Variants in DLGAP1 observed in about 807,000 individuals in gnomAD.
DLGAP1 encodes the protein disks large-associated protein 1.
A neutral mutation model predicts 90.8 loss-of-function variants in DLGAP1; 11 were observed. That is an observed-to-expected ratio of 0.12 (90% CI 0.08 to 0.20). The LOEUF (loss-of-function observed/expected upper bound fraction) is 0.20, where lower values mean the gene tolerates loss of function less well. Ranked by LOEUF, DLGAP1 falls within the 10% of genes least tolerant of loss-of-function variation. DLGAP1 has a pLI of 1.00. For synonymous variants in DLGAP1, 558 were observed against 540.7 expected (o/e 1.03, Z -0.44); for missense variants, 1,050 against 1,333.8 (o/e 0.79, Z 3.31).
chr18:3,583,612 C>T (rs994813886), intron 7 of DLGAP1, among the ~76,000 whole-genome samples: 3 of 152,194 alleles, frequency 2.0e-5, no homozygotes, highest in South Asian at 2.1e-4. Flanking sequence ...GTATGAGTCA[C>T]TCCCTAAAGT....
At chr18:4,274,071 GC>G in intron 1 of DLGAP1, among the ~76,000 whole-genome samples, 1 of 143,592 alleles carries the variant, frequency 7.0e-6, no homozygotes, top group Admixed American at 6.9e-5. Context: ...GGTTTAGTTT[GC>G]TTTTTTTTTT....
At chr18:3,862,962 C>A (rs2148750587) in intron 4 of DLGAP1, among the ~76,000 whole-genome samples, 1 of 152,370 alleles carries the variant, frequency 6.6e-6, no homozygotes, top group African/African-American at 2.4e-5. Flanking sequence ...ACTGGGACAT[C>A]ACCACAGGGT....
At chr18:4,397,312 A>G (rs2082461407) in intron 1 of DLGAP1, among the ~76,000 whole-genome samples, 1 of 152,198 alleles carries the variant, frequency 6.6e-6, no homozygotes, top group South Asian at 2.1e-4. Flanking sequence ...CAGAAAGCTG[A>G]TTTTGGTTAC....
intron 9 of DLGAP1, among the ~76,000 whole-genome samples, chr18:3,536,361 G>T (rs9948585): frequency 0.34 from 50,960 of 151,350 alleles, 8,714 homozygotes; most frequent in East Asian, 0.45. Context: ...ATAGCTGGGA[G>T]TACAGGCATG....
At chr18:4,448,463 T>C (rs1476663516) in intron 1 of DLGAP1, among the ~76,000 whole-genome samples, 1 of 152,164 alleles carries the variant, frequency 6.6e-6, no homozygotes, top group Non-Finnish European at 1.5e-5. Flanking sequence ...TCAAGATCCC[T>C]TAGGATTCAT....
At chr18:4,016,126 T>C (rs1430488242) in intron 2 of DLGAP1, among the ~76,000 whole-genome samples, 1 of 152,228 alleles carries the variant, frequency 6.6e-6, no homozygotes, top group South Asian at 2.1e-4. Flanking sequence ...CTTTCCAGTA[T>C]GACTGAATAA....
intron 7 of DLGAP1, among the ~76,000 whole-genome samples, chr18:3,641,749 A>G (rs2058953606): frequency 6.6e-6 from 1 of 152,108 alleles, no homozygotes; most frequent in Non-Finnish European, 1.5e-5. Flanking sequence ...ACTTAGCCAC[A>G]TAGCAGTCCT....
chr18:3,602,423 G>A (rs1240437206), intron 7 of DLGAP1, among the ~76,000 whole-genome samples: 2 of 151,736 alleles, frequency 1.3e-5, no homozygotes, highest in Non-Finnish European at 2.9e-5. Flanking sequence ...GTGAAACCCC[G>A]TCTCTGCTAA....
intron 1 of DLGAP1, among the ~76,000 whole-genome samples, chr18:4,272,729 T>C (rs918943972): frequency 6.6e-6 from 1 of 152,208 alleles, no homozygotes; most frequent in Non-Finnish European, 1.5e-5. Context: ...GTGGCCTACA[T>C]TGTATGCCCT....
chr18:4,086,423 A>G (rs1440182990), intron 2 of DLGAP1, among the ~76,000 whole-genome samples: 5 of 152,192 alleles, frequency 3.3e-5, no homozygotes, highest in African/African-American at 4.8e-5. Context: ...AACTTATTCA[A>G]TTCACATCAG....
chr18:4,349,579 G>A (rs73941448), intron 1 of DLGAP1, among the ~76,000 whole-genome samples: 44,952 of 151,662 alleles, frequency 0.3, 7,547 homozygotes, highest in South Asian at 0.45. Context: ...TATTTACAAA[G>A]TTTACTGTTC....
intron 5 of DLGAP1, among the ~76,000 whole-genome samples, chr18:3,789,225 T>G (rs1483516443): frequency 2.6e-5 from 4 of 152,238 alleles, no homozygotes; most frequent in African/African-American, 7.2e-5. Context: ...GAGAAATGTT[T>G]AGAAGATATA....
rs143160511 is a variant in DLGAP1 at position 4,302,573 on chromosome 18, T to C, written c.-266-151286A>G. The stretch of plus-strand genomic sequence containing the variant: ...TGTACAACACAAAGTTTTTAATGTA[T>C]TGACAATGTGTCTATTTTTATGCCA... On this transcript the variant is annotated intron_variant, in intron 1 of 12. Coordinates refer to ENST00000315677, the MANE Select transcript of DLGAP1 (RefSeq NM_004746.4). Among the ~76,000 whole-genome samples, 25 of 152,300 alleles carry C rather than the reference T, an allele frequency of 1.6e-4. No individual in the cohort carries two copies. The East Asian group carries it at 4.8e-3, about 29-fold the overall frequency.
chr18:4,138,276 A>G (rs1471915170), intron 2 of DLGAP1, among the ~76,000 whole-genome samples: 1 of 151,796 alleles, frequency 6.6e-6, no homozygotes, highest in Non-Finnish European at 1.5e-5. Flanking sequence ...GTGTTGAGGT[A>G]TGTTCCTTCT....
At chr18:4,096,821 G>T (rs2075688332) in intron 2 of DLGAP1, among the ~76,000 whole-genome samples, 1 of 152,106 alleles carries the variant, frequency 6.6e-6, no homozygotes, top group Admixed American at 6.5e-5. Flanking sequence ...TAGCTGTGAA[G>T]GCTGAGCAAG....
At position 4,081,178 on chromosome 18, in the gene DLGAP1, G is replaced by A. The variant is rs542567949; in HGVS notation, c.-159+70002C>T. On this transcript the variant is annotated intron_variant, in intron 2 of 12. Transcript: ENST00000315677. ...GTTGGGATTAGAAGTGTGAGCCACT[G>A]TGCCCAGCTGAATGCCTTTTCTTTT... 6.6e-5 allele frequency among the ~76,000 whole-genome samples: 10 copies of A among 152,190 alleles called. No individual in the cohort carries two copies. In the South Asian group the frequency reaches 2.1e-3, roughly 32 times the overall value.
chr18:4,119,141 GA>G (rs2076112041), intron 2 of DLGAP1, among the ~76,000 whole-genome samples: 1 of 152,056 alleles, frequency 6.6e-6, no homozygotes, highest in Non-Finnish European at 1.5e-5. Context: ...GTCCAGGCTA[GA>G]GTGCAGTGGC....
At chr18:4,135,805 T>G (rs2076390288) in intron 2 of DLGAP1, among the ~76,000 whole-genome samples, 1 of 151,502 alleles carries the variant, frequency 6.6e-6, no homozygotes, top group African/African-American at 2.4e-5. Context: ...TTTTTTTTTT[T>G]TTACGGCTGA....
At chr18:3,714,464 G>C (rs2147261667) in intron 7 of DLGAP1, among the ~76,000 whole-genome samples, 1 of 152,192 alleles carries the variant, frequency 6.6e-6, no homozygotes, top group South Asian at 2.1e-4. Flanking sequence ...CCCCCAAATG[G>C]GAGGCTCTGG....
Sources: gnomAD v4.1 joint callset for allele counts (sites outside exome capture counted in the v4.1 genomes callset) on GRCh38, gnomAD v4.1.1 for gene constraint, MANE v1.5 for transcripts, NCBI Gene and HGNC (gene_info 2026-07-23, HGNC 2026-07-21) for gene names.